APAF1: variants seen among roughly 807,000 people sequenced by gnomAD.
APAF1 encodes the protein apoptotic peptidase activating factor 1, also known as apoptotic protease-activating factor 1.
Under a neutral mutation model 152.4 loss-of-function variants are expected in APAF1, and 91 were observed. The observed-to-expected ratio is 0.60, with a 90% CI of 0.50 to 0.71. APAF1 has a LOEUF of 0.71. Among genes scored for constraint, APAF1 ranks in the 30% least tolerant of loss-of-function variants. The pLI, the probability that APAF1 is intolerant of heterozygous loss-of-function variation, is 0.00. For synonymous variants in APAF1, 484 were observed against 494.1 expected (o/e 0.98, Z 0.27); for missense variants, 1,283 against 1,472.0 (o/e 0.87, Z 2.10).
chr12:98,663,009 C>T (rs2097667524), intron 7 of APAF1, among the ~76,000 whole-genome samples: 1 of 152,168 alleles, frequency 6.6e-6, no homozygotes, highest in African/African-American at 2.4e-5. Context: ...TATTTACCAT[C>T]TACCCACAGT....
chr12:98,682,051 T>C (rs2097692796), intron 14 of APAF1, among the ~76,000 whole-genome samples: 1 of 149,894 alleles, frequency 6.7e-6, no homozygotes, highest in African/African-American at 2.5e-5. Flanking sequence ...TTAATTTTTT[T>C]GTTTTTTTTT....
chr12:98,727,822 T>C (rs1246439952), intron 26 of APAF1, among the ~76,000 whole-genome samples: 1 of 151,730 alleles, frequency 6.6e-6, no homozygotes, highest in Non-Finnish European at 1.5e-5. Context: ...ATGCCTGTAA[T>C]CCCAGCTACT....
In APAF1 at chr12:98,649,700, C is replaced by T; in HGVS notation, c.526+16C>T. On this transcript the variant is annotated intron_variant, in intron 4 of 26. Coordinates refer to ENST00000551964, the MANE Select transcript of APAF1 (RefSeq NM_181861.2). ...CTTTTAGAAGGTAAGTGTCTTAGTC[C>T]ATTTCATAGTCTAGTAAGGTAGATA... 1 of 1,607,866 alleles carries T rather than the reference C, an allele frequency of 6.2e-7. No homozygotes were observed. The highest frequency in any genetic ancestry group is 8.5e-7 in the Non-Finnish European group (1 of 1,174,950).
rs781378235 is a variant in APAF1 at position 98,725,543 on chromosome 12, A to G, written c.3456+3A>G. 2 of 1,614,096 alleles carry G rather than the reference A, an allele frequency of 1.2e-6. No individual in the cohort carries two copies. The highest frequency in any genetic ancestry group is 1.7e-5 in the Admixed American group (1 of 60,030). On this transcript the variant is annotated splice_donor_region_variant and intron_variant, in intron 25 of 26. Transcript: ENST00000551964. The stretch of plus-strand genomic sequence containing the variant: ...GAGATGACAATGGAGAAATCAGGGT[A>G]GGCTGTTTGCTGACATGAGAGCACT...
intron 1 of APAF1, among the ~76,000 whole-genome samples, chr12:98,646,360 GT>G (rs1193266587): frequency 6.6e-6 from 1 of 152,180 alleles, no homozygotes; most frequent in Non-Finnish European, 1.5e-5. Flanking sequence ...CTTTTTATCA[GT>G]TTTGTGCCCC....
At chr12:98,720,273 A>C (rs1408244829) in intron 22 of APAF1, among the ~76,000 whole-genome samples, 1 of 152,346 alleles carries the variant, frequency 6.6e-6, no homozygotes, top group East Asian at 1.9e-4. Flanking sequence ...ATATGAGTTA[A>C]GTAGTTGTGT....
intron 10 of APAF1, among the ~76,000 whole-genome samples, chr12:98,670,145 G>A (rs770050548): frequency 8.4e-4 from 127 of 151,918 alleles, no homozygotes; most frequent in Non-Finnish European, 1.5e-3. Flanking sequence ...AGGTTTCACT[G>A]TGTTGCCCAG....
chr12:98,673,418 A>G (rs2097682737), intron 12 of APAF1, among the ~76,000 whole-genome samples: 1 of 151,636 alleles, frequency 6.6e-6, no homozygotes, highest in South Asian at 2.1e-4. Flanking sequence ...CCTGGGCAAC[A>G]AAGTGAAGCT....
chr12:98,712,510 T>G, intron 21 of APAF1, 75 bp downstream of exon 21: 4 of 876,140 alleles, frequency 4.6e-6, no homozygotes, highest in Non-Finnish European at 7.7e-6. Context: ...CATTGTGCAC[T>G]TCTATTTTTA....
intron 13 of APAF1, among the ~76,000 whole-genome samples, chr12:98,678,032 TCTTTATG>T (rs1211659086): frequency 6.6e-6 from 1 of 151,652 alleles, no homozygotes; most frequent in African/African-American, 2.4e-5. Context: ...TGAGTACTTT[TCTTTATG>T]TTTGTGTTCT....
intron 1 of APAF1, among the ~76,000 whole-genome samples, chr12:98,646,094 A>G (rs1243529056): frequency 2.0e-5 from 3 of 152,218 alleles, no homozygotes; most frequent in Non-Finnish European, 4.4e-5. Context: ...GACTTAGTTC[A>G]GATAAGTTGT....
At chr12:98,724,394 A>G (rs2097747417) in intron 24 of APAF1, among the ~76,000 whole-genome samples, 1 of 151,874 alleles carries the variant, frequency 6.6e-6, no homozygotes, top group South Asian at 2.1e-4. Context: ...CTTCCATACC[A>G]CTGCCTGTGT....
chr12:98,676,246 G>A (rs1292314521), intron 12 of APAF1, among the ~76,000 whole-genome samples: 4 of 152,102 alleles, frequency 2.6e-5, no homozygotes, highest in African/African-American at 9.7e-5. Flanking sequence ...CAGACCCTCA[G>A]TCACCCAGGC....
chr12:98,718,713 A>G (rs1362145633), intron 22 of APAF1, among the ~76,000 whole-genome samples: 1 of 151,784 alleles, frequency 6.6e-6, no homozygotes, highest in Non-Finnish European at 1.5e-5. Flanking sequence ...AGGTGGGAGG[A>G]TTGCTTGAGG....
intron 21 of APAF1, among the ~76,000 whole-genome samples, chr12:98,715,073 CTT>C (rs34325673): frequency 1.2e-4 from 15 of 125,958 alleles, no homozygotes; most frequent in Admixed American, 2.4e-4. Flanking sequence ...TCTTAAATGT[CTT>C]TTTTTTTTTT....
At position 98,723,328 on chromosome 12, in the gene APAF1, A is replaced by T. The variant is rs1289644502; in HGVS notation, c.3204+16A>T. ...AACAGTGAAGGTAATTTAAAGTATA[A>T]ATTTGTTTTTTGAAAAAGTATTCTC... is the stretch of plus-strand genomic sequence containing the variant. On this transcript the variant is annotated intron_variant, in intron 23 of 26. Transcript: ENST00000551964. 4.3e-6 allele frequency: 7 copies of T among 1,612,364 alleles called. No homozygotes were observed. Among genetic ancestry groups the T allele is most frequent in the Non-Finnish European group, 5.9e-6 (7 of 1,178,852 alleles).
intron 21 of APAF1, 151 bp from the exon 22 acceptor site, chr12:98,715,276 A>ATT (rs1301134367): frequency 1.1e-5 from 3 of 276,072 alleles, no homozygotes; most frequent in African/African-American, 2.8e-5. Flanking sequence ...ATATATATAT[A>ATT]TATATGACAT....
intron 4 of APAF1, among the ~76,000 whole-genome samples, chr12:98,656,002 T>C (rs1055976750): frequency 4.6e-5 from 7 of 151,938 alleles, no homozygotes; most frequent in Non-Finnish European, 8.8e-5. Context: ...CCAGGATGGT[T>C]TCGATCTCCT....
At chr12:98,723,091 G>A in intron 22 of APAF1, 102 bp from the exon 23 acceptor site, 1 of 1,216,014 alleles carries the variant, frequency 8.2e-7, no homozygotes, top group East Asian at 2.4e-5. Flanking sequence ...GAAATGCCAT[G>A]TGAGTAAAAG....
Sources: gnomAD v4.1 joint callset for allele counts (sites outside exome capture counted in the v4.1 genomes callset) on GRCh38, gnomAD v4.1.1 for gene constraint, MANE v1.5 for transcripts, NCBI Gene and HGNC (gene_info 2026-07-23, HGNC 2026-07-21) for gene names.